Variants in PITPNM3 observed in about 807,000 individuals in gnomAD.
PITPNM3 encodes PITPNM family member 3.
In PITPNM3, 26 loss-of-function variants were observed where a neutral mutation model predicts 102.0. The observed-to-expected ratio is 0.25, with a 90% CI of 0.19 to 0.35. The LOEUF (loss-of-function observed/expected upper bound fraction) is 0.35. Among genes scored for constraint, PITPNM3 ranks in the 10% least tolerant of loss-of-function variants. The pLI, the probability that PITPNM3 is intolerant of heterozygous loss-of-function variation, is 1.00. For missense variants in PITPNM3, 1,083 were observed against 1,346.1 expected (o/e 0.80, Z 3.06); for synonymous variants, 578 against 558.6 (o/e 1.03, Z -0.49).
At chr17:6,477,445 C>T (rs1175828680) in intron 8 of PITPNM3, among the ~76,000 whole-genome samples, 1 of 152,178 alleles carries the variant, frequency 6.6e-6, no homozygotes, top group African/African-American at 2.4e-5. Context: ...GGATGGCTGT[C>T]GAAGGGGCCA....
At chr17:6,545,660 G>A (rs913167479) in intron 1 of PITPNM3, among the ~76,000 whole-genome samples, 2 of 152,098 alleles carry the variant, frequency 1.3e-5, no homozygotes, top group African/African-American at 2.4e-5. Flanking sequence ...TGCCTGAAAC[G>A]TCTTCTATCT....
intron 1 of PITPNM3, among the ~76,000 whole-genome samples, chr17:6,544,184 C>G (rs189082000): frequency 5.7e-4 from 87 of 152,354 alleles, no homozygotes; most frequent in Admixed American, 2.8e-3. Flanking sequence ...ATATCAGAAA[C>G]TGCAGCCTGC....
At chr17:6,516,349 G>A (rs1908175785) in intron 3 of PITPNM3, among the ~76,000 whole-genome samples, 1 of 150,970 alleles carries the variant, frequency 6.6e-6, no homozygotes, top group Non-Finnish European at 1.5e-5. Context: ...GGATCATGAG[G>A]TCAGGAGATT....
chr17:6,464,342 G>A (rs758739177), intron 15 of PITPNM3, 24 bp from the exon 16 acceptor site: 65 of 1,611,402 alleles, frequency 4.0e-5, no homozygotes, highest in Admixed American at 1.7e-4. Flanking sequence ...GGGGGTCAGG[G>A]ACTCCCTGAA....
At chr17:6,474,382 G>A in intron 10 of PITPNM3, 50 bp downstream of exon 10, 1 of 1,583,218 alleles carries the variant, frequency 6.3e-7, no homozygotes, top group South Asian at 1.1e-5. Context: ...CTGACACGGT[G>A]GCCCTAGTGA....
intron 3 of PITPNM3, among the ~76,000 whole-genome samples, chr17:6,525,100 G>A (rs572445740): frequency 6.6e-6 from 1 of 152,296 alleles, no homozygotes; most frequent in South Asian, 2.1e-4. Flanking sequence ...AACCACCCGT[G>A]CCACTGGGGT....
At chr17:6,466,562 G>A (rs1053454749) in intron 14 of PITPNM3, among the ~76,000 whole-genome samples, 13 of 152,154 alleles carry the variant, frequency 8.5e-5, no homozygotes, top group African/African-American at 2.9e-4. Context: ...CACACCCACC[G>A]GGATGACTAG....
intron 2 of PITPNM3, among the ~76,000 whole-genome samples, chr17:6,529,606 AAT>A (rs1909030979): frequency 6.6e-6 from 1 of 151,872 alleles, no homozygotes; most frequent in African/African-American, 2.4e-5. Context: ...AAAAAAAAAA[AAT>A]CTCCTTGTCT....
intron 3 of PITPNM3, among the ~76,000 whole-genome samples, chr17:6,521,596 C>A (rs1328109986): frequency 6.6e-6 from 1 of 151,272 alleles, no homozygotes; most frequent in African/African-American, 2.4e-5. Flanking sequence ...TCAGCTGGTG[C>A]TGAAGGATCC....
intron 2 of PITPNM3, among the ~76,000 whole-genome samples, chr17:6,525,705 A>G (rs1908794155): frequency 6.6e-6 from 1 of 152,182 alleles, no homozygotes; most frequent in Non-Finnish European, 1.5e-5. Flanking sequence ...AAGTAACAAA[A>G]AGCCTGAAAC....
intron 3 of PITPNM3, among the ~76,000 whole-genome samples, chr17:6,510,607 A>T (rs1907811848): frequency 6.6e-6 from 1 of 152,378 alleles, no homozygotes; most frequent in South Asian, 2.1e-4. Flanking sequence ...GACACAGAGT[A>T]AGTGTCCATT....
intron 17 of PITPNM3, 110 bp from the exon 18 acceptor site, chr17:6,461,666 T>C: frequency 7.8e-7 from 1 of 1,284,534 alleles, no homozygotes; most frequent in Admixed American, 1.7e-5. Flanking sequence ...GGGACGAGTC[T>C]GAGGCGTGCT....
At chr17:6,473,297 G>A (rs2150727328) in intron 10 of PITPNM3, 1 of 244,818 alleles carries the variant, frequency 4.1e-6, no homozygotes, top group East Asian at 1.1e-4. Flanking sequence ...AGGTTTGCCA[G>A]AGCTGGTGGA....
intron 4 of PITPNM3, among the ~76,000 whole-genome samples, 170 bp downstream of exon 4, chr17:6,503,357 G>A (rs1907297772): frequency 6.6e-6 from 1 of 152,128 alleles, no homozygotes; most frequent in East Asian, 1.9e-4. Flanking sequence ...GTTAGAGAGG[G>A]CCCAAACTCA....
At chr17:6,483,856 C>A in intron 5 of PITPNM3, 104 bp from the exon 6 acceptor site, 1 of 988,032 alleles carries the variant, frequency 1.0e-6, no homozygotes, top group East Asian at 2.5e-5. Context: ...CACTCACACA[C>A]ACGCACACAC....
At chr17:6,510,972 G>A (rs941621272) in intron 3 of PITPNM3, among the ~76,000 whole-genome samples, 3 of 152,238 alleles carry the variant, frequency 2.0e-5, no homozygotes, top group African/African-American at 7.2e-5. Context: ...GACAGTGGGG[G>A]TGGAAGAGGA....
chr17:6,525,498 G>A (rs1339355895), intron 2 of PITPNM3, 35 bp from the exon 3 acceptor site: 5 of 1,519,046 alleles, frequency 3.3e-6, no homozygotes, highest in Non-Finnish European at 3.7e-6. Flanking sequence ...AGAAGCAGGT[G>A]CAGCTAGGGA....
At chr17:6,511,421 G>C (rs1242363255) in intron 3 of PITPNM3, among the ~76,000 whole-genome samples, 8 of 152,202 alleles carry the variant, frequency 5.3e-5, no homozygotes, top group Admixed American at 4.6e-4. Flanking sequence ...AAAATAAGAA[G>C]TGTCCTTAGC....
rs72443053 is a variant in PITPNM3, at chr17:6,538,298, GTGCCCATTTTCCA to G, written c.23-229_23-217del. The stretch of plus-strand genomic sequence containing the variant: ...TAAGTGCAGCAGAGCAGGAATGCGT[GTGCCCATTTTCCA>G]TGTCCTAACACTGAGGCTGGTGGTA... On this transcript the variant is annotated intron_variant, in intron 1 of 19. Coordinates refer to ENST00000262483, the MANE Select transcript of PITPNM3 (RefSeq NM_031220.4). Among the ~76,000 whole-genome samples the G allele has an allele frequency of 5.6e-3, 859 of 152,304 alleles. 4 individuals are homozygous for G. Among genetic ancestry groups the G allele is most frequent in the African/African-American group, 0.019 (792 of 41,562 alleles).
Sources: gnomAD v4.1 joint callset for allele counts (sites outside exome capture counted in the v4.1 genomes callset) on GRCh38, gnomAD v4.1.1 for gene constraint, MANE v1.5 for transcripts, NCBI Gene and HGNC (gene_info 2026-07-23, HGNC 2026-07-21) for gene names.